MAP3K20: variants seen among roughly 807,000 people sequenced by gnomAD.
The protein encoded by MAP3K20 is mitogen-activated protein kinase kinase kinase 20.
In MAP3K20, 40 loss-of-function variants were observed where a neutral mutation model predicts 85.7. The ratio of observed to expected loss-of-function variants is 0.47; its 90% CI spans 0.36 to 0.61. The LOEUF is 0.61. Ranked by LOEUF, MAP3K20 falls within the 20% of genes least tolerant of loss-of-function variation. The pLI, the probability that MAP3K20 is intolerant of heterozygous loss-of-function variation, is 0.00. For synonymous variants in MAP3K20, 325 were observed against 327.7 expected (o/e 0.99, Z 0.09); for missense variants, 817 against 961.7 (o/e 0.85, Z 1.99).
chr2:173,146,820 C>T (rs1263340511), intron 2 of MAP3K20, among the ~76,000 whole-genome samples: 2 of 152,190 alleles, frequency 1.3e-5, no homozygotes, highest in Non-Finnish European at 2.9e-5. Context: ...ACACTCCTCC[C>T]AGAAGGGTAT....
intron 1 of MAP3K20, chr2:173,090,788 A>C (rs1413476960): frequency 8.5e-7 from 1 of 1,175,504 alleles, no homozygotes; most frequent in Non-Finnish European, 1.1e-6. Context: ...CTGTGTTTCA[A>C]AGTCTGGGCA....
chr2:173,209,872 T>C, intron 10 of MAP3K20, 37 bp downstream of exon 10: 1 of 1,538,488 alleles, frequency 6.5e-7, no homozygotes, highest in South Asian at 1.1e-5. Context: ...GCGTCTGGCT[T>C]TCAAAGACCA....
intron 2 of MAP3K20, among the ~76,000 whole-genome samples, chr2:173,121,656 G>A (rs574130933): frequency 1.4e-3 from 219 of 152,166 alleles, no homozygotes; most frequent in African/African-American, 5.1e-3. Flanking sequence ...CAAAGTGCTG[G>A]GATTACAGTC....
chr2:173,256,956 A>AG lies in MAP3K20; in HGVS notation c.1360-1742dup, dbSNP rs1685176198. Among the ~76,000 whole-genome samples the AG allele has an allele frequency of 2.0e-5, 3 of 152,172 alleles. No homozygotes were observed. The East Asian group carries it at 5.8e-4, about 29-fold the overall frequency. On this transcript the variant is annotated intron_variant, in intron 16 of 19. Transcript: ENST00000375213. ...CACTTGAGCCCAGGAATTTGAGACC[A>AG]GCTTGAGCAACAACACAGTGAAACC... is the stretch of plus-strand genomic sequence containing the variant.
intron 10 of MAP3K20, among the ~76,000 whole-genome samples, chr2:173,213,874 A>T (rs1344856051): frequency 6.6e-6 from 1 of 152,178 alleles, no homozygotes; most frequent in African/African-American, 2.4e-5. Flanking sequence ...AAAGAATTAT[A>T]TGTTTTTATC....
At chr2:173,149,306 T>C (rs78660514) in intron 2 of MAP3K20, among the ~76,000 whole-genome samples, 5,127 of 152,232 alleles carry the variant, frequency 0.034, 115 homozygotes, top group Admixed American at 0.053. Flanking sequence ...GACAACTAAA[T>C]GCAGTGTGGC....
At chr2:173,170,006 T>G in intron 3 of MAP3K20, 114 bp downstream of exon 3, 1 of 925,026 alleles carries the variant, frequency 1.1e-6, no homozygotes. Context: ...TACTGTCAGA[T>G]GTCACTTTTG....
At chr2:173,196,057 CTG>C (rs1302764006) in intron 7 of MAP3K20, among the ~76,000 whole-genome samples, 3 of 137,102 alleles carry the variant, frequency 2.2e-5, no homozygotes, top group African/African-American at 7.8e-5. Flanking sequence ...AAAATTCAGT[CTG>C]TGCATGTGTG....
At chr2:173,237,953 A>G (rs1237802382) in intron 14 of MAP3K20, among the ~76,000 whole-genome samples, 3 of 152,174 alleles carry the variant, frequency 2.0e-5, no homozygotes, top group Non-Finnish European at 4.4e-5. Flanking sequence ...CCAGGATTTC[A>G]AGACCAGCCT....
At chr2:173,124,358 C>T (rs769815189) in intron 2 of MAP3K20, among the ~76,000 whole-genome samples, 9 of 152,116 alleles carry the variant, frequency 5.9e-5, no homozygotes, top group Admixed American at 3.3e-4. Flanking sequence ...GCTACTAGCT[C>T]CAGGCCTGAT....
chr2:173,076,760 G>C (rs895185759), intron 1 of MAP3K20, among the ~76,000 whole-genome samples: 5 of 152,248 alleles, frequency 3.3e-5, no homozygotes, highest in Non-Finnish European at 7.3e-5. Context: ...AGCCGGGGAT[G>C]TCTCCTTTGG....
At chr2:173,097,879 CAGTT>C (rs1467829212) in intron 2 of MAP3K20, among the ~76,000 whole-genome samples, 4 of 152,126 alleles carry the variant, frequency 2.6e-5, no homozygotes, top group Non-Finnish European at 5.9e-5. Context: ...TTATTATACT[CAGTT>C]AATCAATATG....
At chr2:173,179,704 GCACACA>G (rs71018541) in intron 3 of MAP3K20, among the ~76,000 whole-genome samples, 2,252 of 146,044 alleles carry the variant, frequency 0.015, 40 homozygotes, top group African/African-American at 0.048. Context: ...TAAGGAATGC[GCACACA>G]CACACACACA....
chr2:173,092,078 G>T (rs1195023052), intron 2 of MAP3K20, among the ~76,000 whole-genome samples: 4 of 152,046 alleles, frequency 2.6e-5, no homozygotes, highest in Non-Finnish European at 5.9e-5. Flanking sequence ...TTCATTAACT[G>T]CTGCCAGTGA....
intron 10 of MAP3K20, among the ~76,000 whole-genome samples, chr2:173,214,675 G>A (rs577347945): frequency 6.6e-6 from 1 of 152,256 alleles, no homozygotes; most frequent in East Asian, 1.9e-4. Context: ...GATAATTACG[G>A]TTCATTGCCT....
At chr2:173,144,507 G>GAGAAA (rs1689080969) in intron 2 of MAP3K20, among the ~76,000 whole-genome samples, 1 of 146,294 alleles carries the variant, frequency 6.8e-6, no homozygotes, top group African/African-American at 2.5e-5. Flanking sequence ...AAGAAGAGAA[G>GAGAAA]AGAAAAGAAA....
chr2:173,221,022 T>C (rs1195352568), intron 11 of MAP3K20: 7 of 700,792 alleles, frequency 1.0e-5, no homozygotes, highest in Non-Finnish European at 1.4e-5. Flanking sequence ...CATAATTCCC[T>C]ACATTCATTT....
chr2:173,128,312 C>CTTATTTGT (rs1553567022), intron 2 of MAP3K20, among the ~76,000 whole-genome samples: 1 of 145,828 alleles, frequency 6.9e-6, no homozygotes, highest in Non-Finnish European at 1.5e-5. Context: ...TTATAGTTGA[C>CTTATTTGT]TTATTTATTT....
intron 10 of MAP3K20, 154 bp downstream of exon 10, chr2:173,209,989 T>G (rs1485824065): frequency 1.5e-6 from 1 of 664,024 alleles, no homozygotes; most frequent in East Asian, 2.7e-5. Flanking sequence ...TTGGAACTCT[T>G]ATAAGTCCTG....
Sources: gnomAD v4.1 joint callset for allele counts (sites outside exome capture counted in the v4.1 genomes callset) on GRCh38, gnomAD v4.1.1 for gene constraint, MANE v1.5 for transcripts, NCBI Gene and HGNC (gene_info 2026-07-23, HGNC 2026-07-21) for gene names.